The following TMEM67 variants were observed in gnomAD, a reference collection of about 807,000 sequenced individuals.
TMEM67 encodes meckelin.
In TMEM67, 124 loss-of-function variants were observed where a neutral mutation model predicts 136.6. The observed-to-expected ratio is 0.91, with a 90% CI of 0.78 to 1.05. The LOEUF is 1.05. Among genes scored for constraint, TMEM67 ranks in the 50% least tolerant of loss-of-function variants. The pLI is 0.00. For synonymous variants in TMEM67, 364 were observed against 390.5 expected (o/e 0.93, Z 0.80); for missense variants, 1,107 against 1,178.4 (o/e 0.94, Z 0.89).
chr8:93,808,981 A>G, intron 24 of TMEM67, 25 bp downstream of exon 24: 3 of 1,521,398 alleles, frequency 2.0e-6, no homozygotes, highest in South Asian at 2.2e-5. Context: ...CAGTTCAGAT[A>G]TATTCTGTCA....
At chr8:93,797,633 C>G (rs1234997777) in intron 20 of TMEM67, among the ~76,000 whole-genome samples, 163 bp downstream of exon 20, 1 of 152,162 alleles carries the variant, frequency 6.6e-6, no homozygotes, top group Admixed American at 6.5e-5. Flanking sequence ...ACGTATTTTA[C>G]CACAATTCTT....
chr8:93,791,245 T>C lies in TMEM67; in HGVS notation c.1519-18T>C. ...ATATAATTTCAGTATAGCTAATTTG[T>C]TTTGTTTTAAATATCAGGTTTCTTT... On this transcript the variant is annotated intron_variant, in intron 14 of 27. Transcript: ENST00000453321. 1 of 1,561,066 alleles carries C rather than the reference T, an allele frequency of 6.4e-7. No individual in the cohort carries two copies. Among genetic ancestry groups the C allele is most frequent in the Non-Finnish European group, 8.8e-7 (1 of 1,133,538 alleles).
At chr8:93,792,142 G>T (rs953822346) in intron 15 of TMEM67, 1 of 152,358 alleles carries the variant, frequency 6.6e-6, no homozygotes, top group African/African-American at 2.4e-5. Flanking sequence ...GAATACAGGG[G>T]TGAGCCACCA....
At chr8:93,799,896 G>A (rs1814792312) in intron 21 of TMEM67, 138 bp downstream of exon 21, 3 of 623,918 alleles carry the variant, frequency 4.8e-6, no homozygotes, top group Admixed American at 6.1e-5. Flanking sequence ...AATAGCTAAT[G>A]GTCAGTTCTT....
At chr8:93,829,393 T>C in the TMEM67 span, among the ~76,000 whole-genome samples, 1 of 151,920 alleles carries the variant, frequency 6.6e-6, no homozygotes, top group Non-Finnish European at 1.5e-5. Flanking sequence ...TGTGTGTGTG[T>C]GTGTGTGTGT....
intron 26 of TMEM67, among the ~76,000 whole-genome samples, chr8:93,812,951 G>A (rs1414091490): frequency 1.8e-4 from 28 of 151,842 alleles, no homozygotes; most frequent in Admixed American, 1.8e-3. Context: ...GGTCAGGCTG[G>A]TCTTGAACCC....
downstream of TMEM67, among the ~76,000 whole-genome samples, chr8:93,818,212 T>C (rs1350771319): frequency 6.6e-6 from 1 of 152,218 alleles, no homozygotes; most frequent in African/African-American, 2.4e-5. Flanking sequence ...TTTGTCTATT[T>C]CTGTAGTACC....
At chr8:93,764,914 T>C (rs1813016014) in intron 4 of TMEM67, among the ~76,000 whole-genome samples, 1 of 152,180 alleles carries the variant, frequency 6.6e-6, no homozygotes, top group African/African-American at 2.4e-5. Flanking sequence ...ATGAAAAATA[T>C]GAAGTATTTT....
At chr8:93,774,810 C>T (rs953514394) in intron 7 of TMEM67, among the ~76,000 whole-genome samples, 5 of 152,276 alleles carry the variant, frequency 3.3e-5, no homozygotes, top group African/African-American at 1.2e-4. Context: ...AATAGTGCCG[C>T]AATAAACATA....
At position 93,765,453 on chromosome 8, in the gene TMEM67, C is replaced by T. The variant is rs769654604; in HGVS notation, c.554C>T (p.Ala185Val). The change falls in exon 5 of 28, where the codon GCA (alanine) becomes GTA (valine). Residue 185 changes from alanine to valine, a missense_variant. Physicochemically the swap from Ala to Val is moderately conservative, Grantham distance 64. Transcript: ENST00000453321. ...PTFVNTSRSC[A>V]CSEPNILTGG... is the part of the protein sequence containing the mutation. Reference sequence around the variant, plus strand: ...TTTGTTAATACCAGCAGGTCCTGTGCATGTTCAGAACCTAACATTTTAGTA... The same window carrying T: ...TTTGTTAATACCAGCAGGTCCTGTGTATGTTCAGAACCTAACATTTTAGTA... The T allele has an allele frequency of 2.5e-6, 4 of 1,611,910 alleles. No homozygotes were observed. The highest frequency in any genetic ancestry group is 3.4e-6 in the Non-Finnish European group (4 of 1,179,792).
intron 26 of TMEM67, among the ~76,000 whole-genome samples, chr8:93,811,598 A>G (rs1000553877): frequency 6.6e-6 from 1 of 152,136 alleles, no homozygotes; most frequent in Non-Finnish European, 1.5e-5. Context: ...AGGTGTGAAA[A>G]GAAAATATTA....
downstream of TMEM67, among the ~76,000 whole-genome samples, chr8:93,823,822 CAG>C (rs1319010906): frequency 6.6e-6 from 1 of 150,950 alleles, no homozygotes; most frequent in African/African-American, 2.4e-5. Context: ...TTACAGCAAA[CAG>C]AACAAGATTT....
At position 93,793,267 on chromosome 8, in the gene TMEM67, C is replaced by G; in HGVS notation, c.1645C>G (p.Arg549Gly). 6.2e-7 allele frequency: 1 copy of G among 1,613,896 alleles called. No individual in the cohort carries two copies. The highest frequency in any genetic ancestry group is 2.2e-5 in the East Asian group (1 of 44,884). The change falls in exon 16 of 28, where the codon CGC becomes GGC. Residue 549 changes from arginine to glycine, a missense_variant. Physicochemically the swap from Arg to Gly is moderately radical, Grantham distance 125. Around this residue, in one of 3 missense-constraint regions of TMEM67, gnomAD observed 925 missense variants for 1,002.4 expected, o/e 0.92. Transcript: ENST00000453321. ...SLLKTAGWKRRIGSPMIDLQT... is the reference protein window; with the variant it reads ...SLLKTAGWKRGIGSPMIDLQT... ...TTTGAAGACAGCAGGATGGAAGAGG[C>G]GCATTGGGAGTCCCATGATTGATTT... is the stretch of plus-strand genomic sequence containing the variant.
intron 2 of TMEM67, chr8:93,756,467 G>A (rs1325337264): frequency 6.6e-6 from 1 of 151,998 alleles, no homozygotes; most frequent in African/African-American, 2.4e-5. Context: ...AAAAGTCTGT[G>A]TAACAGTTGT....
chr8:93,793,153 A>T, intron 15 of TMEM67, 45 bp from the exon 16 acceptor site: 1 of 1,551,290 alleles, frequency 6.4e-7, no homozygotes, highest in East Asian at 2.2e-5. Context: ...TTGAACACCG[A>T]TGACAGAAAT....
chr8:93,809,277 C>T, intron 25 of TMEM67, 116 bp downstream of exon 25: 1 of 707,116 alleles, frequency 1.4e-6, no homozygotes, highest in Non-Finnish European at 2.6e-6. Context: ...GAACCCCCAC[C>T]TTAAGACCTT....
chr8:93,807,165 C>T (rs1287350707), intron 23 of TMEM67, among the ~76,000 whole-genome samples: 1 of 152,062 alleles, frequency 6.6e-6, no homozygotes, highest in Admixed American at 6.6e-5. Context: ...AAATGGGCAA[C>T]CACAAAGCTA....
intron 26 of TMEM67, 84 bp downstream of exon 26, chr8:93,809,971 CTT>C (rs375597348): frequency 0.038 from 21,686 of 565,070 alleles, no homozygotes; most frequent in East Asian, 0.049. Context: ...TTCTTTTTTT[CTT>C]TTTTTTTTTT....
At chr8:93,767,725 A>ATTTTTTTTTTTTTTTTTT (rs61268455) in intron 6 of TMEM67, among the ~76,000 whole-genome samples, 1 of 139,708 alleles carries the variant, frequency 7.2e-6, no homozygotes. Context: ...CTTCTGCGTG[A>ATTTTTTTTTTTTTTTTTT]TTTTTTTTTT....
Sources: allele counts gnomAD v4.1 joint callset (sites outside exome capture counted in the v4.1 genomes callset), GRCh38; gene constraint gnomAD v4.1.1; regional missense constraint gnomAD v4.1.1; transcripts MANE v1.5; gene names NCBI Gene and HGNC (gene_info 2026-07-23, HGNC 2026-07-21).